EHBP1: variants seen among roughly 807,000 people sequenced by gnomAD.
EHBP1 encodes EH domain binding protein 1.
In EHBP1, 55 loss-of-function variants were observed where a neutral mutation model predicts 144.0. The observed-to-expected ratio is 0.38, with a 90% CI of 0.31 to 0.48. EHBP1 has a LOEUF of 0.48. EHBP1 is among the 20% of genes least tolerant of loss of function. The probability of loss-of-function intolerance (pLI) is 0.98; values close to 1 mark genes in which losing one functional copy is unlikely to be tolerated. For synonymous variants in EHBP1, 469 were observed against 472.7 expected, an observed-to-expected ratio of 0.99 and a Z score of 0.10; for missense variants, 1,200 against 1,364.2, an observed-to-expected ratio of 0.88 and a Z score of 1.90.
chr2:62,909,030 G>GCCTA (rs759251674), intron 10 of EHBP1, among the ~76,000 whole-genome samples: 3 of 152,256 alleles, frequency 2.0e-5, no homozygotes, highest in Non-Finnish European at 4.4e-5. Context: ...AGTGCTGTGG[G>GCCTA]CCTAGATCAG....
intron 1 of EHBP1, among the ~76,000 whole-genome samples, chr2:62,680,773 A>T (rs1474947450): frequency 6.6e-6 from 1 of 152,210 alleles, no homozygotes; most frequent in Non-Finnish European, 1.5e-5. Context: ...TACAGAAAAC[A>T]AGACAGCAAT....
At chr2:62,838,081 T>A (rs2047444331) in intron 7 of EHBP1, among the ~76,000 whole-genome samples, 1 of 151,098 alleles carries the variant, frequency 6.6e-6, no homozygotes, top group Non-Finnish European at 1.5e-5. Flanking sequence ...ATTGACCACA[T>A]AGTTGGAAGT....
At chr2:63,006,355 A>G (rs2060035580) in intron 19 of EHBP1, among the ~76,000 whole-genome samples, 3 of 152,044 alleles carry the variant, frequency 2.0e-5, no homozygotes, top group Admixed American at 6.6e-5. Flanking sequence ...ATGTTCTCTC[A>G]GTTTGTCAGA....
chr2:62,996,527 G>GTGATA, intron 18 of EHBP1, 116 bp from the exon 19 acceptor site: 1 of 1,292,684 alleles, frequency 7.7e-7, no homozygotes, highest in Non-Finnish European at 1.1e-6. Flanking sequence ...GGTACTAAGG[G>GTGATA]TGATACTAAC....
chr2:62,854,675 T>A (rs1014055088), intron 7 of EHBP1, among the ~76,000 whole-genome samples: 2 of 152,128 alleles, frequency 1.3e-5, no homozygotes, highest in Admixed American at 6.5e-5. Context: ...CCCAGAACAA[T>A]TTAAGTAGTA....
chr2:62,808,135 G>GCTCTCTA (rs2044660471), intron 5 of EHBP1, among the ~76,000 whole-genome samples: 1 of 150,362 alleles, frequency 6.7e-6, no homozygotes, highest in Admixed American at 6.6e-5. Context: ...TGTTCTCTGA[G>GCTCTCTA]CTCTCTAGAT....
At position 63,045,231 on chromosome 2, in the gene EHBP1, G is replaced by A. The variant is rs372872789; in HGVS notation, c.3392+51G>A. On this transcript the variant is annotated intron_variant, in intron 22 of 22. Transcript: ENST00000431489. This position sits in a 1 kb window ranked among gnomAD's most constrained non-coding sequence, Gnocchi z 5.7. Reference sequence around the variant, plus strand: ...AGGCTGGGCCACCTGCCGAGGGGCCGAGAAGTGTGCGGAAAGTTCAATCCA... The same window carrying A: ...AGGCTGGGCCACCTGCCGAGGGGCCAAGAAGTGTGCGGAAAGTTCAATCCA... 3 of 1,509,866 alleles carry A rather than the reference G, an allele frequency of 2.0e-6. No homozygotes were observed. In the South Asian group the frequency reaches 3.6e-5, roughly 18 times the overall value. 93.5% of individuals were successfully genotyped at this position (1,509,866 alleles called of 1,614,324 possible).
Position 62,863,837 on chromosome 2 carries a change from G to GTTTTTTTTTTTTTTTTTTTTTTTTTTTT in EHBP1, c.758-892_758-891insTTTTTTTTTTTTTTTTTTTTTTTTTTTT, listed in dbSNP as rs1354945636. On this transcript the variant is annotated intron_variant, in intron 8 of 22. Transcript: ENST00000431489. ...ATTTTTTTAAATTTTATTTTTCTGT[G>GTTTTTTTTTTTTTTTTTTTTTTTTTTTT]TTGTTTTTTTTTTTTTTTTTTTTTT... Among the ~76,000 whole-genome samples the GTTTTTTTTTTTTTTTTTTTTTTTTTTTT allele has an allele frequency of 5.4e-5, 4 of 74,576 alleles. 2 individuals are homozygous for GTTTTTTTTTTTTTTTTTTTTTTTTTTTT. Among genetic ancestry groups the GTTTTTTTTTTTTTTTTTTTTTTTTTTTT allele is most frequent in the African/African-American group, 9.8e-5 (2 of 20,316 alleles). 48.9% of individuals were successfully genotyped at this position (74,576 alleles called of 152,430 possible).
chr2:62,810,717 C>T (rs1396511848), intron 5 of EHBP1, among the ~76,000 whole-genome samples: 1 of 152,114 alleles, frequency 6.6e-6, no homozygotes, highest in Non-Finnish European at 1.5e-5. Context: ...TACTTGGGTA[C>T]CAGGTCTTAT....
At chr2:62,970,833 G>T (rs1480774414) in intron 14 of EHBP1, among the ~76,000 whole-genome samples, 1 of 152,120 alleles carries the variant, frequency 6.6e-6, no homozygotes, top group African/African-American at 2.4e-5. Flanking sequence ...TCTGCTAGGG[G>T]GTTGTAGCTG....
At position 63,045,592 on chromosome 2, in the gene EHBP1, A is replaced by G; in HGVS notation, c.*92A>G. The G allele has an allele frequency of 9.3e-7, 1 of 1,079,114 alleles. No homozygotes were observed. The highest frequency in any genetic ancestry group is 1.4e-6 in the Non-Finnish European group (1 of 728,832). 66.8% of individuals were successfully genotyped at this position (1,079,114 alleles called of 1,614,324 possible). ...ACTCATTGTTGATTTAAAACTTTTA[A>G]CATTTTGTTTGGCTGGATTGTACTA... On this transcript the variant is annotated 3_prime_UTR_variant, in exon 23 of 23. Transcript: ENST00000431489. This position sits in a 1 kb window ranked among gnomAD's most constrained non-coding sequence, Gnocchi z 5.7.
At chr2:62,729,669 A>G (rs999108875) in intron 2 of EHBP1, among the ~76,000 whole-genome samples, 3 of 147,118 alleles carry the variant, frequency 2.0e-5, no homozygotes, top group African/African-American at 2.5e-5. Flanking sequence ...TTTTGCACCT[A>G]TAATACTTTA....
At position 62,990,829 on chromosome 2, in the gene EHBP1, C is replaced by T; in HGVS notation, c.2722C>T (p.Gln908Ter). The T allele has an allele frequency of 1.9e-6, 3 of 1,613,170 alleles. No homozygotes were observed. Among genetic ancestry groups the T allele is most frequent in the Non-Finnish European group, 2.5e-6 (3 of 1,179,494 alleles). Residue 908 changes from glutamine to a stop codon, truncating the protein, a stop_gained, in exon 16 of 23, where the codon CAG becomes TAG. Transcript: ENST00000431489. LOFTEE classifies it high-confidence loss of function. ...AQKAVTESSE[Q>*]DMKSGTEDLR... ...GAAAGCTGTAACTGAGAGCTCAGAGCAGGACATGAAAGTAAGTCTTACTTG... is the reference window on the plus strand; with the variant it reads ...GAAAGCTGTAACTGAGAGCTCAGAGTAGGACATGAAAGTAAGTCTTACTTG...
chr2:62,696,508 C>CTTTTT (rs869081763), intron 1 of EHBP1, among the ~76,000 whole-genome samples: 38 of 76,772 alleles, frequency 4.9e-4, no homozygotes, highest in Admixed American at 9.5e-4. Flanking sequence ...TTTTTTTCTT[C>CTTTTT]TTTTTTTTTT....
chr2:62,848,605 A>G (rs1340553884), intron 7 of EHBP1, among the ~76,000 whole-genome samples: 1 of 152,252 alleles, frequency 6.6e-6, no homozygotes, highest in Non-Finnish European at 1.5e-5. Context: ...AATAAAAATG[A>G]ACTATTGATA....
chr2:62,769,795 T>TAA lies in EHBP1; in HGVS notation c.259-1524_259-1523dup, dbSNP rs70962794. ...AATAACCAAAACAGCATGGTACTGG[T>TAA]AAAAAAAAAAAAAAAAAAAAAGCAG... On this transcript the variant is annotated intron_variant, in intron 4 of 22. Transcript: ENST00000431489. Among the ~76,000 whole-genome samples, 323 of 73,854 alleles carry TAA rather than the reference T, an allele frequency of 4.4e-3. 7 individuals are homozygous for TAA. Among genetic ancestry groups the TAA allele is most frequent in the South Asian group, 4.2e-3 (10 of 2,392 alleles). 48.5% of individuals were successfully genotyped at this position (73,854 alleles called of 152,430 possible).
At chr2:62,751,968 TG>T (rs556284952) in intron 3 of EHBP1, among the ~76,000 whole-genome samples, 1,734 of 152,202 alleles carry the variant, frequency 0.011, 17 homozygotes, top group Middle Eastern at 0.024. Context: ...AAGGGTTTTT[TG>T]TGTCTCTATC....
chr2:62,776,957 T>C (rs1344133075), intron 5 of EHBP1, among the ~76,000 whole-genome samples: 1 of 152,162 alleles, frequency 6.6e-6, no homozygotes, highest in Non-Finnish European at 1.5e-5. Context: ...ATTTGTAAAT[T>C]ATATCCATAG....
At chr2:62,768,642 A>G (rs1309625689) in intron 4 of EHBP1, among the ~76,000 whole-genome samples, 1 of 152,232 alleles carries the variant, frequency 6.6e-6, no homozygotes, top group Non-Finnish European at 1.5e-5. Flanking sequence ...ATTGAGGAGG[A>G]GAAACTCCTT....
Sources: allele counts gnomAD v4.1 joint callset (sites outside exome capture counted in the v4.1 genomes callset), GRCh38; gene constraint gnomAD v4.1.1; non-coding constraint Gnocchi (gnomAD v3.1); transcripts MANE v1.5; gene names NCBI Gene and HGNC (gene_info 2026-07-23, HGNC 2026-07-21).